The following PPM1A variants were observed in gnomAD, a reference collection of about 807,000 sequenced individuals.
PPM1A encodes the protein protein phosphatase, Mg2+/Mn2+ dependent 1A.
A neutral mutation model predicts 35.0 loss-of-function variants in PPM1A; 7 were observed. That is an observed-to-expected ratio of 0.20 (90% CI 0.11 to 0.38). The LOEUF (loss-of-function observed/expected upper bound fraction) is 0.38. Among genes scored for constraint, PPM1A ranks in the 10% least tolerant of loss-of-function variants. PPM1A has a pLI of 1.00. For synonymous variants in PPM1A, 153 were observed against 167.3 expected (o/e 0.91, Z 0.66); for missense variants, 239 against 467.8 (o/e 0.51, Z 4.51).
intron 1 of PPM1A, among the ~76,000 whole-genome samples, chr14:60,261,178 A>G (rs929311743): frequency 5.3e-5 from 8 of 152,200 alleles, no homozygotes; most frequent in Admixed American, 3.9e-4. Flanking sequence ...AAAGCAAGAA[A>G]GGAGATACAG....
Position 60,269,337 on chromosome 14 carries a change from A to C in PPM1A, c.-20-13347A>C, listed in dbSNP as rs531702201. ...TTTTCAGAAATGAAACATGGATAAC[A>C]CTACTTTAGTGCTGGCATATTTGAT... On this transcript the variant is annotated intron_variant, in intron 1 of 5. Transcript: ENST00000395076. Among the ~76,000 whole-genome samples the C allele has an allele frequency of 1.5e-4, 23 of 152,304 alleles. 1 individual carries two copies. The East Asian group carries it at 3.5e-3, about 23-fold the overall frequency.
upstream of PPM1A, among the ~76,000 whole-genome samples, chr14:60,247,184 C>G (rs962085592): frequency 6.6e-6 from 1 of 152,070 alleles, no homozygotes; most frequent in Non-Finnish European, 1.5e-5. Context: ...AAGAAGGTAG[C>G]GTTTCAAAGA....
At chr14:60,248,707 G>T (rs1301356432), upstream of PPM1A, 2 of 152,400 alleles carry the variant, frequency 1.3e-5, no homozygotes, top group African/African-American at 4.8e-5. Flanking sequence ...TCGGGTCTGT[G>T]CTCGGGGCTG....
At chr14:60,287,177 TTTCTC>T (rs1595367982) in intron 3 of PPM1A, 4 of 940,632 alleles carry the variant, frequency 4.3e-6, no homozygotes, top group South Asian at 9.8e-5. Flanking sequence ...AATTGCTACT[TTTCTC>T]TTTAGTGTGT....
rs1882174471 is a variant in PPM1A, at chr14:60,250,000, C to T, written c.-21+323C>T. Among the ~76,000 whole-genome samples, 1 of 151,484 alleles carries T rather than the reference C, an allele frequency of 6.6e-6. No individual in the cohort carries two copies. Among genetic ancestry groups the T allele is most frequent in the Non-Finnish European group, 1.5e-5 (1 of 67,762 alleles). On this transcript the variant is annotated intron_variant, in intron 1 of 5. Transcript: ENST00000395076. The surrounding 1 kb of genome is among the most constrained non-coding windows in gnomAD (Gnocchi z 4.5). Reference sequence around the variant, plus strand: ...CGGCGAAGCAGGCGACGGCCGCAGGCCGGCCTGGCCGGAGAGCGGCCTGCA... The same window carrying T: ...CGGCGAAGCAGGCGACGGCCGCAGGTCGGCCTGGCCGGAGAGCGGCCTGCA...
At position 60,297,199 on chromosome 14, in the gene PPM1A, A is replaced by G. The variant is rs151231778; in HGVS notation, c.*4717A>G. ...CTTAGTGTGTTACTTCATCAAGGCC[A>G]GCTAATACTGTGTTAAACCGGGCTG... is the stretch of plus-strand genomic sequence containing the variant. On this transcript the variant is annotated 3_prime_UTR_variant, in exon 6 of 6. Transcript: ENST00000395076. 1.3e-5 allele frequency: 2 copies of G among 151,686 alleles called. No individual in the cohort carries two copies. Among genetic ancestry groups the G allele is most frequent in the Admixed American group, 1.3e-4 (2 of 15,208 alleles). The allele number at this position is 151,686 out of a possible 1,614,324, so 9.4% of individuals were successfully genotyped here. A position where few individuals can be genotyped will look rare whatever the true frequency, so the allele number is the denominator to read the frequency against.
At chr14:60,259,336 A>G (rs1883490300) in intron 1 of PPM1A, among the ~76,000 whole-genome samples, 1 of 152,120 alleles carries the variant, frequency 6.6e-6, no homozygotes, top group Non-Finnish European at 1.5e-5. Flanking sequence ...TAAATGTTTA[A>G]TAAGTTATAT....
upstream of PPM1A, among the ~76,000 whole-genome samples, chr14:60,248,164 C>T (rs1449549476): frequency 6.6e-6 from 1 of 152,184 alleles, no homozygotes; most frequent in Non-Finnish European, 1.5e-5. Flanking sequence ...TCCCCGGCGT[C>T]TGCAAGCAGC....
Position 60,297,185 on chromosome 14 carries a change from A to G in PPM1A, c.*4703A>G, listed in dbSNP as rs749700921. 1 of 151,548 alleles carries G rather than the reference A, an allele frequency of 6.6e-6. No individual in the cohort carries two copies. The highest frequency in any genetic ancestry group is 1.5e-5 in the Non-Finnish European group (1 of 67,658). The allele number at this position is 151,548 out of a possible 1,614,324, so 9.4% of individuals were successfully genotyped here. A position where few individuals can be genotyped will look rare whatever the true frequency, so the allele number is the denominator to read the frequency against. On this transcript the variant is annotated 3_prime_UTR_variant, in exon 6 of 6. Coordinates refer to ENST00000395076, the MANE Select transcript of PPM1A (RefSeq NM_021003.5). ...CTTGAGCAAGAAAGCTTAGTGTGTT[A>G]CTTCATCAAGGCCAGCTAATACTGT...
At chr14:60,268,516 T>G (rs988950786) in intron 1 of PPM1A, 38 of 495,294 alleles carry the variant, frequency 7.7e-5, no homozygotes, top group Admixed American at 5.7e-4. Flanking sequence ...TTTATTTTTT[T>G]CACATATAAC....
intron 3 of PPM1A, among the ~76,000 whole-genome samples, chr14:60,288,841 A>G (rs1260650903): frequency 1.3e-5 from 2 of 152,138 alleles, no homozygotes; most frequent in Non-Finnish European, 2.9e-5. Flanking sequence ...ATTGAAAAAC[A>G]AACTGAACAA....
At chr14:60,269,503 T>G (rs1286468729) in intron 1 of PPM1A, among the ~76,000 whole-genome samples, 1 of 152,162 alleles carries the variant, frequency 6.6e-6, no homozygotes, top group South Asian at 2.1e-4. Flanking sequence ...TGCAAAGAAG[T>G]CTGGGACCAG....
At chr14:60,287,444 A>G in intron 3 of PPM1A, 1 of 984,790 alleles carries the variant, frequency 1.0e-6, no homozygotes, top group Admixed American at 6.1e-5. Context: ...TTACATTAAA[A>G]TTGCTGCTAT....
Position 60,292,277 on chromosome 14 carries a change from A to C in PPM1A, c.1120-176A>C, listed in dbSNP as rs1005611682. 2.0e-5 allele frequency among the ~76,000 whole-genome samples: 3 copies of C among 152,186 alleles called. No individual in the cohort carries two copies. Among genetic ancestry groups the C allele is most frequent in the African/African-American group, 7.2e-5 (3 of 41,462 alleles). On this transcript the variant is annotated intron_variant, in intron 5 of 5. Coordinates refer to ENST00000395076, the MANE Select transcript of PPM1A (RefSeq NM_021003.5). This position sits in a 1 kb window ranked among gnomAD's most constrained non-coding sequence, Gnocchi z 4.2. Reference sequence around the variant, plus strand: ...ACAAAGGATTAACAATTCTTTGAACAGATTAAACATTGCTATTTCATATGT... The same window carrying C: ...ACAAAGGATTAACAATTCTTTGAACCGATTAAACATTGCTATTTCATATGT...
chr14:60,250,535 C>T, intron 1 of PPM1A: 1 of 646,710 alleles, frequency 1.5e-6, no homozygotes, highest in Non-Finnish European at 1.9e-6. Context: ...AAAAGTCATG[C>T]TTCAGTTGTC....
chr14:60,282,401 G>A lies in PPM1A; in HGVS notation c.-20-283G>A, dbSNP rs568301786. On this transcript the variant is annotated intron_variant, in intron 1 of 5. Transcript: ENST00000395076. The surrounding 1 kb of genome is among the most constrained non-coding windows in gnomAD (Gnocchi z 5.1). The stretch of plus-strand genomic sequence containing the variant: ...TATCATTAAACATTTAGCCTGGTTG[G>A]TTTAAGTTGATGGCCACTGCCAGGT... 5.9e-4 allele frequency among the ~76,000 whole-genome samples: 90 copies of A among 152,314 alleles called. No homozygotes were observed. Among genetic ancestry groups the A allele is most frequent in the African/African-American group, 2.0e-3 (85 of 41,578 alleles).
At chr14:60,264,863 A>G (rs1884193671) in intron 1 of PPM1A, among the ~76,000 whole-genome samples, 1 of 151,946 alleles carries the variant, frequency 6.6e-6, no homozygotes, top group African/African-American at 2.4e-5. Flanking sequence ...ATTTCTGCCT[A>G]TTTTTAATTT....
upstream of PPM1A, among the ~76,000 whole-genome samples, chr14:60,248,919 C>T (rs568936641): frequency 6.6e-6 from 1 of 152,338 alleles, no homozygotes; most frequent in South Asian, 2.1e-4. Context: ...AGGCCCGGGT[C>T]CTGGCTGCTA....
chr14:60,287,495 T>C (rs1411774024), intron 3 of PPM1A: 4 of 985,318 alleles, frequency 4.1e-6, no homozygotes, highest in Non-Finnish European at 4.8e-6. Context: ...GTAAAAGTTG[T>C]GTGTCCTCAG....
Sources: gnomAD v4.1 joint callset for allele counts (sites outside exome capture counted in the v4.1 genomes callset) on GRCh38, gnomAD v4.1.1 for gene constraint, Gnocchi (gnomAD v3.1) non-coding constraint, MANE v1.5 for transcripts, NCBI Gene and HGNC (gene_info 2026-07-23, HGNC 2026-07-21) for gene names.